CFAP96: variants seen among roughly 807,000 people sequenced by gnomAD.
CFAP96 encodes the protein cilia and flagella associated protein 96, also known as cilia-and flagella-associated protein 96.
the CFAP96 span, among the ~76,000 whole-genome samples, chr4:185,410,285 T>C: frequency 6.6e-6 from 1 of 152,178 alleles, no homozygotes; most frequent in South Asian, 2.1e-4. Context: ...AAAACTAAAA[T>C]CCTTCAAATT....
the CFAP96 span, among the ~76,000 whole-genome samples, chr4:185,412,372 T>C: frequency 3.9e-5 from 6 of 152,210 alleles, no homozygotes; most frequent in Admixed American, 3.9e-4. Flanking sequence ...CTGAGTACAC[T>C]CTAATGACCA....
At chr4:185,445,399 AT>A in the CFAP96 span, 1 of 880,278 alleles carries the variant, frequency 1.1e-6, no homozygotes, top group African/African-American at 1.7e-5. Context: ...ATAGCGCCTC[AT>A]TATGAGTCAT....
chr4:185,416,244 C>T, the CFAP96 span, among the ~76,000 whole-genome samples: 5 of 152,166 alleles, frequency 3.3e-5, no homozygotes, highest in Non-Finnish European at 7.4e-5. Flanking sequence ...CATGAATAAA[C>T]GTTAAAGCCA....
the CFAP96 span, among the ~76,000 whole-genome samples, chr4:185,443,946 T>C: frequency 4.2e-5 from 3 of 71,226 alleles, no homozygotes; most frequent in East Asian, 4.2e-4. Flanking sequence ...TTTTTTTTTT[T>C]TTTTTTTTTT....
At chr4:185,418,274 T>G in the CFAP96 span, among the ~76,000 whole-genome samples, 1 of 152,162 alleles carries the variant, frequency 6.6e-6, no homozygotes, top group African/African-American at 2.4e-5. Flanking sequence ...AGACAAAAAC[T>G]TAGATAAGTA....
chr4:185,410,201 A>G, the CFAP96 span, among the ~76,000 whole-genome samples: 85 of 152,334 alleles, frequency 5.6e-4, no homozygotes, highest in Admixed American at 2.0e-3. Context: ...TTGGACATTA[A>G]CAAACACTTC....
the CFAP96 span, among the ~76,000 whole-genome samples, chr4:185,409,222 T>C: frequency 6.6e-6 from 1 of 152,338 alleles, no homozygotes; most frequent in South Asian, 2.1e-4. Context: ...CTGCTATGAT[T>C]ACAGCCCAAG....
the CFAP96 span, among the ~76,000 whole-genome samples, chr4:185,425,564 G>A: frequency 6.6e-6 from 1 of 152,206 alleles, no homozygotes; most frequent in African/African-American, 2.4e-5. Context: ...CCTGTCCCAG[G>A]TTAAGCCCTT....
At chr4:185,432,713 T>C in the CFAP96 span, among the ~76,000 whole-genome samples, 1 of 151,922 alleles carries the variant, frequency 6.6e-6, no homozygotes, top group South Asian at 2.1e-4. Context: ...AGTTAAAAAA[T>C]TAGCTAGGTG....
the CFAP96 span, among the ~76,000 whole-genome samples, chr4:185,409,872 G>A: frequency 6.6e-6 from 1 of 152,036 alleles, no homozygotes; most frequent in African/African-American, 2.4e-5. Context: ...GGAATGATGG[G>A]GCCACAAACC....
chr4:185,418,047 AACACACAC>A, the CFAP96 span, among the ~76,000 whole-genome samples: 2 of 143,062 alleles, frequency 1.4e-5, no homozygotes, highest in Admixed American at 6.9e-5. Context: ...TCCATCTCAA[AACACACAC>A]ACACACACAC....
chr4:185,442,395 T>C, the CFAP96 span, among the ~76,000 whole-genome samples: 1 of 152,140 alleles, frequency 6.6e-6, no homozygotes, highest in African/African-American at 2.4e-5. Flanking sequence ...ATATCTTATA[T>C]TTATTCCTAG....
chr4:185,417,190 A>C, the CFAP96 span, among the ~76,000 whole-genome samples: 1 of 152,202 alleles, frequency 6.6e-6, no homozygotes, highest in African/African-American at 2.4e-5. Context: ...ATTCCTGCCA[A>C]TAGTGCATGA....
chr4:185,421,689 G>A, the CFAP96 span, among the ~76,000 whole-genome samples: 1 of 152,156 alleles, frequency 6.6e-6, no homozygotes, highest in Non-Finnish European at 1.5e-5. Context: ...AAATGACCCA[G>A]TCTCAGGTAT....
chr4:185,415,112 T>C, the CFAP96 span: 3 of 1,426,512 alleles, frequency 2.1e-6, no homozygotes, highest in East Asian at 2.5e-5. Flanking sequence ...AAATGAATGA[T>C]AGTCATTATT....
chr4:185,415,669 C>T, the CFAP96 span: 3 of 1,555,478 alleles, frequency 1.9e-6, no homozygotes, highest in Non-Finnish European at 1.7e-6. Flanking sequence ...TGGGGAAGGG[C>T]CCTCATTCAA....
chr4:185,410,084 C>T, the CFAP96 span, among the ~76,000 whole-genome samples: 3 of 151,992 alleles, frequency 2.0e-5, no homozygotes, highest in African/African-American at 7.2e-5. Context: ...CAATAAATTT[C>T]AGAGTTAGTT....
the CFAP96 span, among the ~76,000 whole-genome samples, chr4:185,438,736 T>C: frequency 3.5e-3 from 539 of 152,324 alleles, 2 homozygotes; most frequent in African/African-American, 0.012. Flanking sequence ...TTTTTACCTT[T>C]TCAGTTCTTG....
chr4:185,425,934 G>C, the CFAP96 span: 1 of 1,558,504 alleles, frequency 6.4e-7, no homozygotes, highest in Non-Finnish European at 8.7e-7. Flanking sequence ...CGGCCCTGAA[G>C]TGGTGTCACC....
Sources: gnomAD v4.1 joint callset for allele counts (sites outside exome capture counted in the v4.1 genomes callset) on GRCh38, gnomAD v4.1.1 for gene constraint, MANE v1.5 for transcripts, NCBI Gene and HGNC (gene_info 2026-07-23, HGNC 2026-07-21) for gene names.